Variants in TENM2 observed in about 807,000 individuals in gnomAD.
TENM2 encodes teneurin transmembrane protein 2.
Under a neutral mutation model 245.2 loss-of-function variants are expected in TENM2, and 52 were observed. That is an observed-to-expected ratio of 0.21 (90% CI 0.17 to 0.27). The LOEUF is 0.27. Among genes scored for constraint, TENM2 ranks in the 10% least tolerant of loss-of-function variants. The probability of loss-of-function intolerance (pLI) is 1.00; values close to 1 mark genes in which losing one functional copy is unlikely to be tolerated. For missense variants in TENM2, 3,046 were observed against 3,666.8 expected (o/e 0.83, Z 4.37); for synonymous variants, 1,363 against 1,438.9 (o/e 0.95, Z 1.19).
intron 2 of TENM2, among the ~76,000 whole-genome samples, chr5:167,434,534 A>G (rs1764433978): frequency 6.6e-6 from 1 of 152,026 alleles, no homozygotes; most frequent in Non-Finnish European, 1.5e-5. Context: ...ATTGTTTTCA[A>G]AATAAGTATT....
chr5:167,551,225 G>A (rs72831309), intron 2 of TENM2, among the ~76,000 whole-genome samples: 3,264 of 152,242 alleles, frequency 0.021, 50 homozygotes, highest in Non-Finnish European at 0.033. Flanking sequence ...TGCTTATTAC[G>A]TCAGAAAATA....
intron 2 of TENM2, among the ~76,000 whole-genome samples, chr5:167,780,609 C>T (rs1022999631): frequency 2.6e-5 from 4 of 152,174 alleles, no homozygotes; most frequent in African/African-American, 7.2e-5. Context: ...GGATGAGTTT[C>T]GTTCAGGCCT....
chr5:166,983,318 GA>G, the TENM2 span, among the ~76,000 whole-genome samples: 3 of 151,970 alleles, frequency 2.0e-5, no homozygotes, highest in Non-Finnish European at 4.4e-5. Context: ...TTCTTAATGG[GA>G]AAAAATGAAG....
chr5:167,952,386 T>C, intron 3 of TENM2: 1 of 597,588 alleles, frequency 1.7e-6, no homozygotes, highest in Non-Finnish European at 3.0e-6. Flanking sequence ...TTGATGCGTG[T>C]GGATAAATGC....
chr5:168,076,727 A>T (rs1330198117), intron 7 of TENM2, among the ~76,000 whole-genome samples: 4 of 152,244 alleles, frequency 2.6e-5, no homozygotes, highest in African/African-American at 9.6e-5. Flanking sequence ...CCCTTGCAAC[A>T]TAACAAGCTT....
At chr5:167,640,991 A>T (rs1779576436) in intron 2 of TENM2, among the ~76,000 whole-genome samples, 1 of 147,198 alleles carries the variant, frequency 6.8e-6, no homozygotes, top group African/African-American at 2.5e-5. Context: ...AAAATGCAAA[A>T]ATCCTGACCG....
the TENM2 span, among the ~76,000 whole-genome samples, chr5:167,045,973 C>G: frequency 6.6e-6 from 1 of 152,202 alleles, no homozygotes; most frequent in Non-Finnish European, 1.5e-5. Context: ...TGATTAGTTT[C>G]TCCTAGAGAG....
intron 1 of TENM2, among the ~76,000 whole-genome samples, chr5:167,351,870 C>T (rs1394956601): frequency 1.3e-5 from 2 of 152,010 alleles, no homozygotes; most frequent in Admixed American, 6.5e-5. Context: ...AAAAATAAAA[C>T]CACAATTTCA....
At chr5:167,196,488 A>ATATATATGTGTG in the TENM2 span, among the ~76,000 whole-genome samples, 4 of 143,664 alleles carry the variant, frequency 2.8e-5, no homozygotes, top group African/African-American at 1.1e-4. Context: ...ATATGTGTGT[A>ATATATATGTGTG]TATATATATG....
intron 1 of TENM2, among the ~76,000 whole-genome samples, chr5:167,315,140 T>C (rs1002244681): frequency 6.6e-6 from 1 of 152,134 alleles, no homozygotes. Flanking sequence ...GATTACTAGA[T>C]CAAAAAGTAT....
At chr5:168,206,415 C>T (rs1762349912) in intron 19 of TENM2, among the ~76,000 whole-genome samples, 1 of 152,222 alleles carries the variant, frequency 6.6e-6, no homozygotes, top group Admixed American at 6.5e-5. Context: ...GGATGAAACA[C>T]AGGCTCAGAA....
intron 7 of TENM2, among the ~76,000 whole-genome samples, chr5:168,073,995 T>G (rs1295577586): frequency 6.6e-6 from 1 of 152,184 alleles, no homozygotes; most frequent in Non-Finnish European, 1.5e-5. Context: ...TCCTGGAATT[T>G]CCAGGGAACT....
intron 2 of TENM2, among the ~76,000 whole-genome samples, chr5:167,704,669 CAG>C (rs1385469523): frequency 6.6e-6 from 1 of 152,164 alleles, no homozygotes; most frequent in Non-Finnish European, 1.5e-5. Context: ...AAGAACTGCA[CAG>C]AGTGACTTTG....
chr5:167,735,043 A>C (rs1760706139), intron 2 of TENM2, among the ~76,000 whole-genome samples: 1 of 152,218 alleles, frequency 6.6e-6, no homozygotes, highest in African/African-American at 2.4e-5. Flanking sequence ...TCCATTGTGA[A>C]TCTGGCTCTT....
At chr5:167,938,795 T>C (rs1352808844) in intron 3 of TENM2, among the ~76,000 whole-genome samples, 1 of 152,032 alleles carries the variant, frequency 6.6e-6, no homozygotes, top group East Asian at 1.9e-4. Context: ...ATACAAAAAT[T>C]AGCCGGGTGT....
chr5:167,074,422 A>G, the TENM2 span, among the ~76,000 whole-genome samples: 1 of 152,144 alleles, frequency 6.6e-6, no homozygotes, highest in African/African-American at 2.4e-5. Flanking sequence ...GAACACTCTC[A>G]TGATGGAGGT....
intron 3 of TENM2, among the ~76,000 whole-genome samples, chr5:167,893,464 A>C (rs999742466): frequency 6.6e-6 from 1 of 152,128 alleles, no homozygotes; most frequent in Non-Finnish European, 1.5e-5. Flanking sequence ...AGACTTCTTT[A>C]AAAAGGAACA....
chr5:167,979,424 A>G (rs995301306), intron 4 of TENM2, among the ~76,000 whole-genome samples: 1 of 152,178 alleles, frequency 6.6e-6, no homozygotes, highest in Non-Finnish European at 1.5e-5. Flanking sequence ...GATCACGTAC[A>G]TTTACCAAAA....
intron 1 of TENM2, among the ~76,000 whole-genome samples, chr5:167,351,258 T>G (rs1758896514): frequency 6.6e-6 from 1 of 151,792 alleles, no homozygotes; most frequent in Non-Finnish European, 1.5e-5. Flanking sequence ...CCATGAAATT[T>G]GAAATCAATA....
Sources: allele counts gnomAD v4.1 joint callset (sites outside exome capture counted in the v4.1 genomes callset), GRCh38; gene constraint gnomAD v4.1.1; transcripts MANE v1.5; gene names NCBI Gene and HGNC (gene_info 2026-07-23, HGNC 2026-07-21).